The following LPP variants were observed in gnomAD, a reference collection of about 807,000 sequenced individuals.
The protein encoded by LPP is lipoma-preferred partner.
A neutral mutation model predicts 60.4 loss-of-function variants in LPP; 38 were observed. That is an observed-to-expected ratio of 0.63 (90% CI 0.49 to 0.83). LPP has a LOEUF of 0.83. Among genes scored for constraint, LPP ranks in the 40% least tolerant of loss-of-function variants. LPP has a pLI of 0.00. For synonymous variants in LPP, 328 were observed against 290.8 expected (o/e 1.13, Z -1.30); for missense variants, 902 against 783.6 (o/e 1.15, Z -1.80).
intron 1 of LPP, among the ~76,000 whole-genome samples, chr3:188,192,555 A>G (rs940979471): frequency 6.6e-6 from 1 of 152,224 alleles, no homozygotes; most frequent in East Asian, 1.9e-4. Context: ...TTCTAATCTG[A>G]CAGTAACTCC....
At chr3:188,690,882 T>C (rs1861976077) in intron 7 of LPP, among the ~76,000 whole-genome samples, 1 of 152,154 alleles carries the variant, frequency 6.6e-6, no homozygotes, top group African/African-American at 2.4e-5. Flanking sequence ...TTTTAGAACA[T>C]TCATCTAGTA....
At chr3:188,178,621 G>C (rs2148874694) in intron 1 of LPP, 1 of 152,446 alleles carries the variant, frequency 6.6e-6, no homozygotes, top group Non-Finnish European at 1.5e-5. Flanking sequence ...TTTAGTCAAT[G>C]TGAGAATCTT....
chr3:188,878,532 G>A lies in LPP; in HGVS notation c.*4053G>A, dbSNP rs1286096850. 2.8e-5 allele frequency: 6 copies of A among 214,560 alleles called. No homozygotes were observed. Among genetic ancestry groups the A allele is most frequent in the Non-Finnish European group, 5.7e-5 (6 of 106,004 alleles). 13.3% of individuals were successfully genotyped at this position (214,560 alleles called of 1,614,324 possible). ...CATACCCCTGCTTTAGCCATCTGTG[G>A]GAAACCAGCAAACTGAAAAAGACAC... On this transcript the variant is annotated 3_prime_UTR_variant, in exon 12 of 12. Coordinates refer to ENST00000617246, the MANE Select transcript of LPP (RefSeq NM_001375462.1).
intron 5 of LPP, among the ~76,000 whole-genome samples, chr3:188,502,137 A>G (rs899126952): frequency 1.3e-5 from 2 of 152,150 alleles, no homozygotes; most frequent in African/African-American, 4.8e-5. Context: ...AGGTGTATTC[A>G]ATTGTTGTTC....
At chr3:188,240,928 G>A (rs58563145) in intron 2 of LPP, among the ~76,000 whole-genome samples, 2,636 of 152,302 alleles carry the variant, frequency 0.017, 71 homozygotes, top group African/African-American at 0.058. Context: ...GGAACATTTT[G>A]TGGATCTTTT....
At chr3:188,549,897 G>T (rs911660984) in intron 6 of LPP, among the ~76,000 whole-genome samples, 5 of 152,124 alleles carry the variant, frequency 3.3e-5, no homozygotes, top group African/African-American at 1.2e-4. Flanking sequence ...GGCAATAAAA[G>T]GCCTTGCTTA....
intron 4 of LPP, among the ~76,000 whole-genome samples, chr3:188,414,807 G>T (rs555969470): frequency 1.3e-5 from 2 of 152,246 alleles, no homozygotes; most frequent in Non-Finnish European, 2.9e-5. Context: ...CAGGTGGCTT[G>T]TTCAGTATTG....
At chr3:188,813,011 A>G (rs1397880655) in intron 9 of LPP, among the ~76,000 whole-genome samples, 1 of 152,136 alleles carries the variant, frequency 6.6e-6, no homozygotes, top group African/African-American at 2.4e-5. Context: ...TGAACAAAAT[A>G]TAGCTTCTGT....
At chr3:188,830,370 T>C (rs1432290997) in intron 9 of LPP, among the ~76,000 whole-genome samples, 7 of 149,806 alleles carry the variant, frequency 4.7e-5, no homozygotes, top group Admixed American at 3.3e-4. Flanking sequence ...TTTGGGAGGC[T>C]GAGGCGGGCA....
At chr3:188,580,871 G>A (rs536787725) in intron 6 of LPP, among the ~76,000 whole-genome samples, 10 of 152,056 alleles carry the variant, frequency 6.6e-5, no homozygotes, top group South Asian at 2.1e-4. Context: ...CTGTAACTCC[G>A]TGGCATGAGA....
intron 3 of LPP, among the ~76,000 whole-genome samples, chr3:188,393,311 CCTT>C (rs1185776853): frequency 6.6e-6 from 1 of 151,944 alleles, no homozygotes; most frequent in African/African-American, 2.4e-5. Context: ...CATTTTAGTA[CCTT>C]CTTTCCTTCT....
At chr3:188,236,338 T>G (rs574279877) in intron 2 of LPP, among the ~76,000 whole-genome samples, 2 of 152,248 alleles carry the variant, frequency 1.3e-5, no homozygotes, top group South Asian at 4.1e-4. Context: ...GAGACCTGAA[T>G]GAAACGAGGT....
intron 7 of LPP, among the ~76,000 whole-genome samples, chr3:188,685,513 G>A (rs1216055406): frequency 6.6e-6 from 1 of 152,194 alleles, no homozygotes; most frequent in East Asian, 1.9e-4. Flanking sequence ...CCATGCCAAA[G>A]AGTCTGTATA....
chr3:188,407,064 A>G (rs548106048), intron 4 of LPP, among the ~76,000 whole-genome samples: 7 of 133,368 alleles, frequency 5.2e-5, no homozygotes, highest in Admixed American at 3.1e-4. Flanking sequence ...AAACTCAAGA[A>G]AAAATAACTT....
intron 7 of LPP, among the ~76,000 whole-genome samples, chr3:188,675,225 C>T (rs936009514): frequency 1.3e-5 from 2 of 152,190 alleles, no homozygotes; most frequent in Non-Finnish European, 1.5e-5. Context: ...AGAGATGAAG[C>T]AGTGTGTCAA....
At chr3:188,863,740 T>A (rs1765843258) in intron 9 of LPP, among the ~76,000 whole-genome samples, 1 of 152,184 alleles carries the variant, frequency 6.6e-6, no homozygotes, top group Non-Finnish European at 1.5e-5. Flanking sequence ...TAATCACATT[T>A]TATACTTTTT....
chr3:188,696,222 A>ACTCTCTCTCT (rs147482649), intron 7 of LPP, among the ~76,000 whole-genome samples: 23,579 of 148,784 alleles, frequency 0.16, 2,322 homozygotes, highest in Middle Eastern at 0.35. Flanking sequence ...AGCACACAGT[A>ACTCTCTCTCT]CTCTCTCTCT....
At chr3:188,212,895 C>T (rs1052922757) in intron 1 of LPP, 1 of 152,432 alleles carries the variant, frequency 6.6e-6, no homozygotes, top group Non-Finnish European at 1.5e-5. Context: ...TGGGCTGGCT[C>T]ACTTGCATGG....
intron 2 of LPP, among the ~76,000 whole-genome samples, chr3:188,273,314 A>G (rs1362643060): frequency 2.0e-5 from 3 of 152,192 alleles, no homozygotes; most frequent in Non-Finnish European, 4.4e-5. Flanking sequence ...AACAGAATTG[A>G]GGATTTCTAC....
Sources: gnomAD v4.1 joint callset for allele counts (sites outside exome capture counted in the v4.1 genomes callset) on GRCh38, gnomAD v4.1.1 for gene constraint, MANE v1.5 for transcripts, NCBI Gene and HGNC (gene_info 2026-07-23, HGNC 2026-07-21) for gene names.